DMD: variants seen among roughly 807,000 people sequenced by gnomAD.
The protein encoded by DMD is dystrophin.
A neutral mutation model predicts 330.1 loss-of-function variants in DMD; 63 were observed. The ratio of observed to expected loss-of-function variants is 0.19; its 90% CI spans 0.16 to 0.24. The LOEUF is 0.24. Ranked by LOEUF, DMD falls within the 10% of genes least tolerant of loss-of-function variation. The pLI is 1.00. For missense variants in DMD, 3,344 were observed against 2,684.1 expected (o/e 1.25, Z -5.43); for synonymous variants, 1,223 against 959.8 (o/e 1.27, Z -5.07).
intron 44 of DMD, among the ~76,000 whole-genome samples, chrX:32,027,652 G>C (rs1056443052): frequency 6.3e-5 from 7 of 111,893 alleles, no homozygotes; most frequent in African/African-American, 2.3e-4. Context: ...AGATCCCTCA[G>C]ATTACCGTGG....
chrX:31,405,379 T>C (rs1455762384), intron 60 of DMD, among the ~76,000 whole-genome samples: 1 of 112,199 alleles, frequency 8.9e-6, no homozygotes, highest in African/African-American at 3.2e-5. Flanking sequence ...CAATGGTTGA[T>C]AAATCTGTAA....
At chrX:31,943,147 G>A (rs184845134) in intron 45 of DMD, among the ~76,000 whole-genome samples, 1 of 112,452 alleles carries the variant, frequency 8.9e-6, no homozygotes, top group East Asian at 2.8e-4. Context: ...AGTAGTTGCA[G>A]CAAAGATTGA....
intron 2 of DMD, among the ~76,000 whole-genome samples, chrX:32,893,670 T>C (rs1603459242): frequency 9.2e-6 from 1 of 109,210 alleles, no homozygotes; most frequent in African/African-American, 3.4e-5. Flanking sequence ...AGCTGGAAAT[T>C]TTTTTTTTTA....
At chrX:31,529,368 G>A (rs189438313) in intron 55 of DMD, among the ~76,000 whole-genome samples, 1 of 110,923 alleles carries the variant, frequency 9.0e-6, no homozygotes, top group Non-Finnish European at 1.9e-5. Context: ...CTGGGTGACA[G>A]AGCAAGACTC....
chrX:33,182,121 A>T (rs760553499), intron 1 of DMD, among the ~76,000 whole-genome samples: 2 of 112,613 alleles, frequency 1.8e-5, no homozygotes, highest in African/African-American at 6.4e-5. Flanking sequence ...AGGGGAAAAA[A>T]ATATTACAAA....
chrX:32,106,186 G>A (rs1328292231), intron 44 of DMD, among the ~76,000 whole-genome samples: 1 of 111,648 alleles, frequency 9.0e-6, no homozygotes, highest in African/African-American at 3.2e-5. Context: ...AGTATAAAAT[G>A]CATATTCTGT....
chrX:31,148,439 A>T (rs1447301314), intron 74 of DMD, among the ~76,000 whole-genome samples: 1 of 112,233 alleles, frequency 8.9e-6, no homozygotes, highest in Admixed American at 9.4e-5. Flanking sequence ...TGAATATGCC[A>T]ACATTTTCCT....
At position 32,924,429 on chromosome X, in the gene DMD, G is replaced by A. The variant is rs984495503; in HGVS notation, c.94-74609C>T. 2.7e-5 allele frequency among the ~76,000 whole-genome samples: 3 copies of A among 111,313 alleles called. No individual in the cohort carries two copies. The East Asian group carries it at 8.5e-4, about 32-fold the overall frequency. On this transcript the variant is annotated intron_variant, in intron 2 of 78. Transcript: ENST00000357033. ...TGTCCCAGCTACTCAGGAGGTGCAG[G>A]TGGGAGAATCATCTGAGCCCAGGAA... is the stretch of plus-strand genomic sequence containing the variant.
chrX:31,999,598 A>G (rs181343516), intron 44 of DMD, among the ~76,000 whole-genome samples: 14 of 111,791 alleles, frequency 1.3e-4, no homozygotes, highest in Admixed American at 7.6e-4. Flanking sequence ...ACCTTTCTAG[A>G]CATGCCTAGG....
chrX:32,363,271 G>A (rs745411020), intron 36 of DMD, among the ~76,000 whole-genome samples: 2 of 111,783 alleles, frequency 1.8e-5, no homozygotes, highest in East Asian at 2.8e-4. Flanking sequence ...TCCCAACTAT[G>A]TTGTTGCAAC....
intron 60 of DMD, among the ~76,000 whole-genome samples, chrX:31,364,800 T>C (rs991226328): frequency 1.8e-5 from 2 of 111,152 alleles, no homozygotes; most frequent in East Asian, 2.8e-4. Context: ...GAAGAAATAA[T>C]AGACATAGAA....
At chrX:31,329,754 C>T (rs1036841665) in intron 61 of DMD, among the ~76,000 whole-genome samples, 31 of 109,526 alleles carry the variant, frequency 2.8e-4, no homozygotes, top group Admixed American at 1.6e-3. Flanking sequence ...GAGCAGATCA[C>T]GAGGTCAAGA....
At chrX:32,653,642 C>A (rs746926325) in intron 9 of DMD, among the ~76,000 whole-genome samples, 10 of 111,965 alleles carry the variant, frequency 8.9e-5, no homozygotes, top group Admixed American at 3.8e-4. Flanking sequence ...GCAATGTGGG[C>A]TCTTTTTTGG....
At chrX:32,880,178 G>A (rs773908116) in intron 2 of DMD, among the ~76,000 whole-genome samples, 78 of 106,849 alleles carry the variant, frequency 7.3e-4, no homozygotes, top group African/African-American at 2.6e-3. Context: ...TTACGGTCAT[G>A]TCAAACTACT....
intron 17 of DMD, among the ~76,000 whole-genome samples, chrX:32,531,807 CACAGT>C (rs1210744191): frequency 9.0e-6 from 1 of 110,899 alleles, no homozygotes; most frequent in Non-Finnish European, 1.9e-5. Context: ...TTCATTGCTA[CACAGT>C]ACAGTAATTT....
rs60116805 is a variant in DMD, at chrX:32,748,316, A to C, written c.650-49023T>G. Among the ~76,000 whole-genome samples, 263 of 105,640 alleles carry C rather than the reference A, an allele frequency of 2.5e-3. 1 individual carries two copies. The highest frequency in any genetic ancestry group is 8.3e-3 in the African/African-American group (235 of 28,483). The allele number at this position is 105,640 out of a possible 115,157, so 91.7% of individuals were successfully genotyped here. On this transcript the variant is annotated intron_variant, in intron 7 of 78. Coordinates refer to ENST00000357033, the MANE Select transcript of DMD (RefSeq NM_004006.3). ...CCAAGATCATGCCACTGCACTCTCCAGACTGGGTGACAGAACAAGACTCCG... is the reference window on the plus strand; with the variant it reads ...CCAAGATCATGCCACTGCACTCTCCCGACTGGGTGACAGAACAAGACTCCG...
At chrX:33,163,648 C>CTATCTATG in intron 1 of DMD, among the ~76,000 whole-genome samples, 1 of 12,467 alleles carries the variant, frequency 8.0e-5, no homozygotes, top group Non-Finnish European at 2.2e-4. Context: ...ATCTATCTAT[C>CTATCTATG]TATCTATCTA....
chrX:31,859,208 GT>G (rs1180140656), intron 48 of DMD, among the ~76,000 whole-genome samples: 1 of 111,217 alleles, frequency 9.0e-6, no homozygotes, highest in Non-Finnish European at 1.9e-5. Flanking sequence ...TTCCTCATCT[GT>G]CAACCCAGCT....
chrX:32,517,847 T>A (rs2046007482), intron 18 of DMD, 161 bp downstream of exon 18: 1 of 607,489 alleles, frequency 1.6e-6, no homozygotes, highest in African/African-American at 2.2e-5. Context: ...TAGGCTAAAC[T>A]TTGATTTTGC....
Sources: allele counts gnomAD v4.1 joint callset (sites outside exome capture counted in the v4.1 genomes callset), GRCh38; gene constraint gnomAD v4.1.1; transcripts MANE v1.5; gene names NCBI Gene and HGNC (gene_info 2026-07-23, HGNC 2026-07-21).